The following EMILIN2 variants were observed in gnomAD, a reference collection of about 807,000 sequenced individuals.
EMILIN2 encodes the protein EMILIN-2.
EMILIN2 carries 71 observed loss-of-function variants against 87.1 expected under a neutral mutation model. That is an observed-to-expected ratio of 0.82 (90% CI 0.67 to 0.99). The LOEUF is 0.99. Ranked by LOEUF, EMILIN2 falls within the 50% of genes least tolerant of loss-of-function variation. The pLI, the probability that EMILIN2 is intolerant of heterozygous loss-of-function variation, is 0.00. For missense variants in EMILIN2, 1,407 were observed against 1,371.8 expected (o/e 1.03, Z -0.40); for synonymous variants, 581 against 563.4 (o/e 1.03, Z -0.44).
chr18:2,885,079 C>T lies in EMILIN2; in HGVS notation c.373C>T (p.Pro125Ser), dbSNP rs1450792635. 5.0e-6 allele frequency: 8 copies of T among 1,613,482 alleles called. No homozygotes were observed. The African/African-American group carries it at 6.7e-5, about 13-fold the overall frequency. Reference protein sequence around the residue: ...GGDCQEGPKDPVKTLRPTPAR... With the variant: ...GGDCQEGPKDSVKTLRPTPAR... ...AGATTGCCAAGAAGGTCCCAAAGAC[C>T]CCGTGAAGACCCTCCGCCCCACGCC... Residue 125 changes from proline (P) to serine (S), a missense_variant, in exon 3 of 8, where the codon CCC becomes TCC. By Grantham distance (74) the Pro-to-Ser change is moderately conservative. Coordinates refer to ENST00000254528, the MANE Select transcript of EMILIN2 (RefSeq NM_032048.3).
At chr18:2,846,806 T>C, upstream of EMILIN2, 3 of 985,440 alleles carry the variant, frequency 3.0e-6, no homozygotes, top group Non-Finnish European at 3.6e-6. The surrounding 1 kb of genome is among the most constrained non-coding windows in gnomAD (Gnocchi z 5.3). Flanking sequence ...TTGGAAATGC[T>C]GTAACGTAGA....
rs1020290593 is a variant in EMILIN2, at chr18:2,915,185, C to T, written c.*1781C>T. ...GATGGGTCTGGAACATCGGGTAAAA[C>T]CCAGTCCTCCTCTCAGTGCATCTCT... On this transcript the variant is annotated 3_prime_UTR_variant, in exon 8 of 8. Coordinates refer to ENST00000254528, the MANE Select transcript of EMILIN2 (RefSeq NM_032048.3). 1 of 152,276 alleles carries T rather than the reference C, an allele frequency of 6.6e-6. No individual in the cohort carries two copies. The highest frequency in any genetic ancestry group is 1.5e-5 in the Non-Finnish European group (1 of 68,076). 9.4% of individuals were successfully genotyped at this position (152,276 alleles called of 1,614,324 possible). A position where few individuals can be genotyped will look rare whatever the true frequency, so the allele number is the denominator to read the frequency against.
chr18:2,858,768 T>G (rs2076645579), intron 2 of EMILIN2, among the ~76,000 whole-genome samples: 1 of 151,180 alleles, frequency 6.6e-6, no homozygotes, highest in Non-Finnish European at 1.5e-5. Context: ...CCCGAGTAGC[T>G]GGGATTACAG....
intron 3 of EMILIN2, among the ~76,000 whole-genome samples, chr18:2,889,881 C>T (rs1322443174): frequency 3.9e-5 from 6 of 152,000 alleles, no homozygotes; most frequent in East Asian, 1.9e-4. Context: ...TATGGTCAGA[C>T]GGTGCTGTTG....
chr18:2,896,259 T>C (rs1013619282), intron 4 of EMILIN2, among the ~76,000 whole-genome samples: 1 of 152,104 alleles, frequency 6.6e-6, no homozygotes, highest in Admixed American at 6.6e-5. Context: ...CACTGCAACC[T>C]CCGCCTCCCG....
Position 2,914,297 on chromosome 18 carries a change from T to C in EMILIN2, c.*893T>C, listed in dbSNP as rs968089557. 6.6e-6 allele frequency: 1 copy of C among 152,228 alleles called. No individual in the cohort carries two copies. The highest frequency in any genetic ancestry group is 2.4e-5 in the African/African-American group (1 of 41,456). The allele number at this position is 152,228 out of a possible 1,614,324, so 9.4% of individuals were successfully genotyped here. ...TGTGCACGGAGGTCAAGGCCCCATG[T>C]CATCTGCAGCTGGAGCGGCTCCTCT... On this transcript the variant is annotated 3_prime_UTR_variant, in exon 8 of 8. Coordinates refer to ENST00000254528, the MANE Select transcript of EMILIN2 (RefSeq NM_032048.3).
chr18:2,852,813 C>A (rs1172259585), intron 2 of EMILIN2, among the ~76,000 whole-genome samples: 2 of 152,226 alleles, frequency 1.3e-5, no homozygotes. Flanking sequence ...GCCATTGCAC[C>A]TGGCCCGCAA....
intron 2 of EMILIN2, among the ~76,000 whole-genome samples, chr18:2,850,296 T>C (rs1314883138): frequency 2.0e-5 from 3 of 152,028 alleles, no homozygotes; most frequent in South Asian, 2.1e-4. Context: ...CTTCTTTTTA[T>C]ACTTAACAAG....
rs370663116 is a variant in EMILIN2, at chr18:2,910,617, G to A, written c.2824+798G>A. Among the ~76,000 whole-genome samples the A allele has an allele frequency of 2.6e-5, 4 of 152,172 alleles. No homozygotes were observed. The South Asian group carries it at 6.2e-4, about 24-fold the overall frequency. On this transcript the variant is annotated intron_variant, in intron 7 of 7. Coordinates refer to ENST00000254528, the MANE Select transcript of EMILIN2 (RefSeq NM_032048.3). Reference sequence around the variant, plus strand: ...CCTCAGCAGTCACTGTTCTGCTCACGCACTGTGAACAGGGCCTCCTGGAGG... The same window carrying A: ...CCTCAGCAGTCACTGTTCTGCTCACACACTGTGAACAGGGCCTCCTGGAGG...
At position 2,868,200 on chromosome 18, in the gene EMILIN2, G is replaced by T. The variant is rs373055487; in HGVS notation, c.258-16764G>T. Among the ~76,000 whole-genome samples, 163 of 152,186 alleles carry T rather than the reference G, an allele frequency of 1.1e-3. 1 individual carries two copies. Among genetic ancestry groups the T allele is most frequent in the African/African-American group, 3.8e-3 (157 of 41,508 alleles). ...CAGAGACGCTCCTCACATCCCAGATGGGGCGGCGGGGCAGAGGCGCTCCCC... is the reference window on the plus strand; with the variant it reads ...CAGAGACGCTCCTCACATCCCAGATTGGGCGGCGGGGCAGAGGCGCTCCCC... On this transcript the variant is annotated intron_variant, in intron 2 of 7. Coordinates refer to ENST00000254528, the MANE Select transcript of EMILIN2 (RefSeq NM_032048.3).
intron 2 of EMILIN2, among the ~76,000 whole-genome samples, chr18:2,852,016 C>T (rs2076604133): frequency 6.6e-6 from 1 of 152,186 alleles, no homozygotes; most frequent in Non-Finnish European, 1.5e-5. Context: ...GTCTCTATAG[C>T]AATGCAGAAT....
chr18:2,907,077 G>A lies in EMILIN2; in HGVS notation c.2654G>A (p.Gly885Asp), dbSNP rs2076917940. Residue 885 changes from glycine to aspartate, a missense_variant, in exon 5 of 8, where the codon GGC becomes GAC. By Grantham distance (94) the Gly-to-Asp change is moderately conservative. Transcript: ENST00000254528. ...GTCCCCGGCGCAGAAGGCTTCGCGG[G>A]CGCACCAGGTGAGGCCCGGGGCTGC... The part of the protein sequence containing the change: ...GTVPGAEGFA[G>D]APGYPKSPPV... 2 of 1,253,576 alleles carry A rather than the reference G, an allele frequency of 1.6e-6. No individual in the cohort carries two copies. The highest frequency in any genetic ancestry group is 1.6e-5 in the African/African-American group (1 of 64,310). 77.7% of individuals were successfully genotyped at this position (1,253,576 alleles called of 1,614,324 possible). A position where few individuals can be genotyped will look rare whatever the true frequency, so the allele number is the denominator to read the frequency against.
In EMILIN2 at chr18:2,902,961, A is replaced by G. The variant is rs9948896; in HGVS notation, c.2360-3822A>G. ...GTTGGTGAGGACAGGGGAGAAAATA[A>G]GGGCCAGTTTGGGTGGCCTGTGCTT... On this transcript the variant is annotated intron_variant, in intron 4 of 7. Transcript: ENST00000254528. Among the ~76,000 whole-genome samples the G allele has an allele frequency of 5.2e-3, 796 of 152,258 alleles. 3 individuals carry two copies. The highest frequency in any genetic ancestry group is 0.018 in the African/African-American group (757 of 41,536).
chr18:2,847,225 T>TGGCGCTG lies in EMILIN2; in HGVS notation c.46_52dup (p.Ala18GlyfsTer50). The stretch of plus-strand genomic sequence containing the variant: ...CAGACGGCCCTGGCCCCGCGTGCCC[T>TGGCGCTG]GGCGCTGGGCGCTGGCGCTGCTGGC... On this transcript the variant is annotated frameshift_variant, in exon 1 of 8. Transcript: ENST00000254528. LOFTEE classifies it high-confidence loss of function. The surrounding 1 kb of genome is among the most constrained non-coding windows in gnomAD (Gnocchi z 4.5). 1 of 1,254,970 alleles carries TGGCGCTG rather than the reference T, an allele frequency of 8.0e-7. No individual in the cohort carries two copies. Among genetic ancestry groups the TGGCGCTG allele is most frequent in the Non-Finnish European group, 1.0e-6 (1 of 1,001,096 alleles). The allele number at this position is 1,254,970 out of a possible 1,614,324, so 77.7% of individuals were successfully genotyped here.
rs2076833842 is a variant in EMILIN2 at position 2,891,084 on chromosome 18, C to T, written c.957C>T (p.Asp319=). 6.2e-7 allele frequency: 1 copy of T among 1,614,044 alleles called. No individual in the cohort carries two copies. The highest frequency in any genetic ancestry group is 1.7e-5 in the Admixed American group (1 of 60,004). ...TTNELYQAYV[D]SKIDALREEL... ...ACGAACTCTACCAAGCCTATGTGGA[C>T]AGTAAGATCGACGCCCTGAGAGAGG... is the stretch of plus-strand genomic sequence containing the variant. The change falls in exon 4 of 8, where the codon GAC becomes GAT. Residue 319 remains aspartate, a synonymous_variant. Transcript: ENST00000254528. This position sits in a 1 kb window ranked among gnomAD's most constrained non-coding sequence, Gnocchi z 4.6.
chr18:2,894,352 C>T lies in EMILIN2; in HGVS notation c.2359+1866C>T, dbSNP rs2076853914. Among the ~76,000 whole-genome samples the T allele has an allele frequency of 6.6e-6, 1 of 152,110 alleles. No individual in the cohort carries two copies. The highest frequency in any genetic ancestry group is 6.6e-5 in the Admixed American group (1 of 15,260). On this transcript the variant is annotated intron_variant, in intron 4 of 7. Coordinates refer to ENST00000254528, the MANE Select transcript of EMILIN2 (RefSeq NM_032048.3). The surrounding 1 kb of genome is among the most constrained non-coding windows in gnomAD (Gnocchi z 5.0). ...GGCCCAGGAGGACCAGGAATCTGGC[C>T]GCCACCCGAGTGTCCAGCCCACTGC... is the stretch of plus-strand genomic sequence containing the variant.
intron 2 of EMILIN2, among the ~76,000 whole-genome samples, chr18:2,865,402 T>C (rs992875590): frequency 2.6e-5 from 4 of 152,246 alleles, no homozygotes; most frequent in Non-Finnish European, 5.9e-5. Flanking sequence ...GGTGTGGATG[T>C]CCTTTCTGTT....
At chr18:2,863,375 C>T (rs1275769589) in intron 2 of EMILIN2, among the ~76,000 whole-genome samples, 2 of 152,120 alleles carry the variant, frequency 1.3e-5, no homozygotes, top group Non-Finnish European at 2.9e-5. Context: ...AAATTTCCCT[C>T]TACACACTGC....
intron 5 of EMILIN2, among the ~76,000 whole-genome samples, chr18:2,908,731 A>T (rs962487148): frequency 7.2e-5 from 11 of 152,160 alleles, no homozygotes. Flanking sequence ...CGCCAGGGAT[A>T]AATGGGCTAG....
Sources: allele counts gnomAD v4.1 joint callset (sites outside exome capture counted in the v4.1 genomes callset), GRCh38; gene constraint gnomAD v4.1.1; non-coding constraint Gnocchi (gnomAD v3.1); transcripts MANE v1.5; gene names NCBI Gene and HGNC (gene_info 2026-07-23, HGNC 2026-07-21).